GRID2: variants seen among roughly 807,000 people sequenced by gnomAD.
The protein encoded by GRID2 is glutamate ionotropic receptor delta type subunit 2.
Under a neutral mutation model 114.8 loss-of-function variants are expected in GRID2, and 33 were observed. That is an observed-to-expected ratio of 0.29 (90% CI 0.22 to 0.38). GRID2 has a LOEUF of 0.38. GRID2 is among the 10% of genes least tolerant of loss of function. The probability of loss-of-function intolerance (pLI) is 1.00; values close to 1 mark genes in which losing one functional copy is unlikely to be tolerated. For synonymous variants in GRID2, 505 were observed against 449.9 expected, an observed-to-expected ratio of 1.12 and a Z score of -1.55; for missense variants, 1,184 against 1,257.7, an observed-to-expected ratio of 0.94 and a Z score of 0.89.
At chr4:93,364,741 A>C (rs1416392405) in intron 8 of GRID2, among the ~76,000 whole-genome samples, 3 of 152,120 alleles carry the variant, frequency 2.0e-5, no homozygotes, top group Admixed American at 1.3e-4. Context: ...AACCTCCCAA[A>C]GCCATGGGAT....
intron 2 of GRID2, among the ~76,000 whole-genome samples, chr4:92,618,056 C>T (rs937653308): frequency 6.6e-6 from 1 of 151,592 alleles, no homozygotes; most frequent in Non-Finnish European, 1.5e-5. Flanking sequence ...TTGTTGCCGG[C>T]GTTTTGAAGT....
At chr4:93,186,136 T>C (rs995426672) in intron 4 of GRID2, among the ~76,000 whole-genome samples, 3 of 152,190 alleles carry the variant, frequency 2.0e-5, no homozygotes. Flanking sequence ...ATTTTCTTAA[T>C]CCAGTCTATC....
In GRID2 at chr4:93,348,268, A is replaced by G. The variant is rs115301367; in HGVS notation, c.1246-47339A>G. Among the ~76,000 whole-genome samples, 561 of 152,300 alleles carry G rather than the reference A, an allele frequency of 3.7e-3. 2 individuals carry two copies. Among genetic ancestry groups the G allele is most frequent in the African/African-American group, 0.013 (525 of 41,574 alleles). On this transcript the variant is annotated intron_variant, in intron 8 of 15. Coordinates refer to ENST00000282020, the MANE Select transcript of GRID2 (RefSeq NM_001510.4). ...TGACAAAAATCATTACTCACTTCAT[A>G]CACATGTTATTGAAGGTAATATCTG...
At chr4:92,699,850 T>C (rs947343637) in intron 2 of GRID2, among the ~76,000 whole-genome samples, 1 of 151,348 alleles carries the variant, frequency 6.6e-6, no homozygotes, top group Non-Finnish European at 1.5e-5. Context: ...TATTTTTGGA[T>C]TAATAAAAGC....
chr4:93,696,555 T>C (rs1233008504), intron 14 of GRID2, among the ~76,000 whole-genome samples: 4 of 152,174 alleles, frequency 2.6e-5, no homozygotes, highest in Non-Finnish European at 4.4e-5. Context: ...GAAACTAAAA[T>C]CTTTTTTTGT....
intron 1 of GRID2, among the ~76,000 whole-genome samples, chr4:92,373,089 T>A (rs146910243): frequency 6.6e-6 from 1 of 152,188 alleles, no homozygotes; most frequent in African/African-American, 2.4e-5. Flanking sequence ...TACAGGTTCA[T>A]GCTAGGTAAT....
rs986811064 is a variant in GRID2, at chr4:93,644,178, C to T, written c.2360+17743C>T. Among the ~76,000 whole-genome samples the T allele has an allele frequency of 4.5e-5, 4 of 89,460 alleles. 1 individual carries two copies. The highest frequency in any genetic ancestry group is 8.6e-5 in the Non-Finnish European group (4 of 46,406). The allele number at this position is 89,460 out of a possible 152,430, so 58.7% of individuals were successfully genotyped here. Reference sequence around the variant, plus strand: ...GCCTCGCCCTGCTTCGGCTCGCGCACGGTGCGCACACACACTGGCCTGCGC... The same window carrying T: ...GCCTCGCCCTGCTTCGGCTCGCGCATGGTGCGCACACACACTGGCCTGCGC... On this transcript the variant is annotated intron_variant, in intron 14 of 15. Coordinates refer to ENST00000282020, the MANE Select transcript of GRID2 (RefSeq NM_001510.4).
intron 2 of GRID2, among the ~76,000 whole-genome samples, chr4:92,966,330 C>A (rs764652871): frequency 7.9e-5 from 12 of 151,816 alleles, no homozygotes; most frequent in Non-Finnish European, 1.6e-4. Context: ...GAGGGGTCGA[C>A]CCTTCGGCCA....
chr4:93,129,447 T>C (rs1261909354), intron 4 of GRID2, among the ~76,000 whole-genome samples: 1 of 152,106 alleles, frequency 6.6e-6, no homozygotes, highest in Non-Finnish European at 1.5e-5. Context: ...TTTTCCCCTT[T>C]CCGCAAGGAT....
intron 2 of GRID2, among the ~76,000 whole-genome samples, chr4:92,698,370 C>T (rs1425560524): frequency 6.6e-6 from 1 of 152,094 alleles, no homozygotes; most frequent in African/African-American, 2.4e-5. Flanking sequence ...TAATCTCTCT[C>T]TCTTTCTGTC....
At chr4:93,234,566 T>TAC (rs1435227086) in intron 7 of GRID2, among the ~76,000 whole-genome samples, 1 of 151,976 alleles carries the variant, frequency 6.6e-6, no homozygotes, top group East Asian at 1.9e-4. Flanking sequence ...TATGTATATA[T>TAC]ACACACACGT....
intron 8 of GRID2, among the ~76,000 whole-genome samples, chr4:93,300,672 C>T (rs900207208): frequency 2.0e-5 from 3 of 152,116 alleles, no homozygotes; most frequent in African/African-American, 4.8e-5. Context: ...TGTAGCAGGA[C>T]GAGCCGCAGA....
intron 1 of GRID2, among the ~76,000 whole-genome samples, chr4:92,315,832 A>T (rs1169942312): frequency 6.6e-6 from 1 of 151,686 alleles, no homozygotes; most frequent in East Asian, 1.9e-4. Flanking sequence ...TTAACTGGGC[A>T]TGGTGGTGTG....
intron 2 of GRID2, among the ~76,000 whole-genome samples, chr4:92,801,217 T>C (rs1183575924): frequency 6.6e-6 from 1 of 152,002 alleles, no homozygotes; most frequent in African/African-American, 2.4e-5. Context: ...CTGTTAGAAG[T>C]TCCTCCCAAG....
At chr4:93,653,229 G>A (rs1236164798) in intron 14 of GRID2, among the ~76,000 whole-genome samples, 1 of 152,166 alleles carries the variant, frequency 6.6e-6, no homozygotes, top group African/African-American at 2.4e-5. Context: ...GAACAAAGTT[G>A]TTAGAACAAT....
At chr4:93,302,361 G>T (rs139200671) in intron 8 of GRID2, among the ~76,000 whole-genome samples, 1 of 152,128 alleles carries the variant, frequency 6.6e-6, no homozygotes, top group South Asian at 2.1e-4. Context: ...ATTTTAAACC[G>T]TTTACTTGGA....
At chr4:93,760,999 A>G (rs1733158944) in intron 14 of GRID2, among the ~76,000 whole-genome samples, 1 of 152,180 alleles carries the variant, frequency 6.6e-6, no homozygotes, top group Non-Finnish European at 1.5e-5. Flanking sequence ...ATCTCAGAAT[A>G]AATGCTCAGA....
chr4:92,982,022 T>TAAAAAAAAAAAAAA (rs1161216679), intron 2 of GRID2, among the ~76,000 whole-genome samples: 66 of 80,128 alleles, frequency 8.2e-4, no homozygotes, highest in Middle Eastern at 9.3e-3. Flanking sequence ...AAAGTACTGG[T>TAAAAAAAAAAAAAA]AAAAAAAAAA....
chr4:93,145,702 G>A (rs6843540), intron 4 of GRID2, among the ~76,000 whole-genome samples: 49,271 of 127,010 alleles, frequency 0.39, 9,683 homozygotes, highest in Admixed American at 0.56. Context: ...CACCATGTTG[G>A]CCAGGCTTGT....
Sources: allele counts gnomAD v4.1 joint callset (sites outside exome capture counted in the v4.1 genomes callset), GRCh38; gene constraint gnomAD v4.1.1; transcripts MANE v1.5; gene names NCBI Gene and HGNC (gene_info 2026-07-23, HGNC 2026-07-21).